Variants in ACSL5 observed in about 807,000 individuals in gnomAD.
ACSL5 encodes long-chain-fatty-acid--CoA ligase 5.
In ACSL5, 50 loss-of-function variants were observed where a neutral mutation model predicts 84.9. The observed-to-expected ratio is 0.59, with a 90% CI of 0.47 to 0.75. The LOEUF is 0.75. ACSL5 is among the 30% of genes least tolerant of loss of function. The pLI is 0.00. For synonymous variants in ACSL5, 280 were observed against 300.7 expected (o/e 0.93, Z 0.71); for missense variants, 775 against 830.4 (o/e 0.93, Z 0.82).
At chr10:112,413,656 C>T (rs926836053) in intron 12 of ACSL5, among the ~76,000 whole-genome samples, 4 of 152,158 alleles carry the variant, frequency 2.6e-5, no homozygotes, top group African/African-American at 9.6e-5. Context: ...ACCCGGGAGG[C>T]GGAGGTTGCA....
intron 1 of ACSL5, chr10:112,375,346 G>A (rs1261364658): frequency 6.6e-6 from 1 of 151,286 alleles, no homozygotes; most frequent in East Asian, 2.0e-4. Context: ...GCTCCCCAGA[G>A]GCCAAGGGCT....
chr10:112,397,937 T>C (rs1186619014), intron 2 of ACSL5, among the ~76,000 whole-genome samples: 5 of 151,876 alleles, frequency 3.3e-5, no homozygotes, highest in Non-Finnish European at 4.4e-5. Context: ...GATATAAAAC[T>C]ATACATATCA....
intron 1 of ACSL5, among the ~76,000 whole-genome samples, chr10:112,377,313 G>A (rs1478345828): frequency 6.6e-6 from 1 of 152,226 alleles, no homozygotes; most frequent in Non-Finnish European, 1.5e-5. Context: ...TCTGAGGTGG[G>A]TGGATCACCT....
At chr10:112,407,659 A>T (rs528231542) in intron 5 of ACSL5, among the ~76,000 whole-genome samples, 3 of 152,288 alleles carry the variant, frequency 2.0e-5, no homozygotes, top group Non-Finnish European at 4.4e-5. Flanking sequence ...TCAAGATGAG[A>T]TCTGGATGGG....
chr10:112,418,508 G>A (rs1010408310), intron 14 of ACSL5, among the ~76,000 whole-genome samples: 3 of 152,152 alleles, frequency 2.0e-5, no homozygotes, highest in Admixed American at 6.5e-5. Context: ...CGTGAACCCG[G>A]CAGGTGGAGC....
intron 2 of ACSL5, among the ~76,000 whole-genome samples, chr10:112,395,414 A>G (rs1843725157): frequency 6.6e-6 from 1 of 152,174 alleles, no homozygotes; most frequent in Admixed American, 6.5e-5. Flanking sequence ...TGAGTTAAAA[A>G]CAAAAATGGG....
At chr10:112,387,522 C>G (rs1377301890) in intron 1 of ACSL5, among the ~76,000 whole-genome samples, 1 of 152,112 alleles carries the variant, frequency 6.6e-6, no homozygotes, top group East Asian at 1.9e-4. Flanking sequence ...TTGAGGGTGG[C>G]AGGAATGTAG....
chr10:112,393,191 T>C (rs779199284), intron 1 of ACSL5, among the ~76,000 whole-genome samples: 3 of 152,162 alleles, frequency 2.0e-5, no homozygotes, highest in Admixed American at 1.3e-4. Context: ...CTCAGAATCC[T>C]GCCAGGTGGT....
At chr10:112,408,650 A>G in intron 6 of ACSL5, 129 bp downstream of exon 6, 1 of 682,398 alleles carries the variant, frequency 1.5e-6, no homozygotes, top group Non-Finnish European at 2.6e-6. Flanking sequence ...AAAATGTTCA[A>G]GTCTTTCTAG....
At chr10:112,392,908 G>A (rs150579129) in intron 1 of ACSL5, among the ~76,000 whole-genome samples, 1,696 of 151,974 alleles carry the variant, frequency 0.011, 40 homozygotes, top group African/African-American at 0.038. Flanking sequence ...GAGTAAGACC[G>A]TGTCTCAAAT....
At chr10:112,409,070 A>T (rs1215317522) in intron 6 of ACSL5, 1 of 166,746 alleles carries the variant, frequency 6.0e-6, no homozygotes, top group Non-Finnish European at 1.3e-5. Flanking sequence ...AGTAAACATC[A>T]TTTGAAACTT....
chr10:112,380,588 T>G (rs1166534404), intron 1 of ACSL5, among the ~76,000 whole-genome samples: 1 of 152,040 alleles, frequency 6.6e-6, no homozygotes, highest in Non-Finnish European at 1.5e-5. Flanking sequence ...GCCATTCCCC[T>G]TCTCCACTTC....
At chr10:112,376,909 A>C (rs963384352) in intron 1 of ACSL5, among the ~76,000 whole-genome samples, 1 of 151,928 alleles carries the variant, frequency 6.6e-6, no homozygotes. Flanking sequence ...TTAATTCCTA[A>C]GTACTTCCTT....
intron 19 of ACSL5, 65 bp downstream of exon 19, chr10:112,426,424 A>T: frequency 7.3e-7 from 1 of 1,363,838 alleles, no homozygotes; most frequent in Non-Finnish European, 1.0e-6. Flanking sequence ...AGGATGCCTC[A>T]CCAGTTCCTG....
rs1194225396 is a variant in ACSL5 at position 112,426,345 on chromosome 10, C to T, written c.1825C>T (p.Leu609=). The change falls in exon 19 of 21, where the codon CTG becomes TTG. Residue 609 remains leucine, a synonymous_variant. Coordinates refer to ENST00000354655, the MANE Select transcript of ACSL5 (RefSeq NM_203379.2). ...KLGVKGSFEE[L]CQNQVVREAI... The stretch of plus-strand genomic sequence containing the variant: ...TGGGGTGAAGGGCTCCTTTGAGGAA[C>T]TGTGCCAAAACCAAGTAAGTCTTGC... 1 of 1,614,034 alleles carries T rather than the reference C, an allele frequency of 6.2e-7. No individual in the cohort carries two copies. The highest frequency in any genetic ancestry group is 8.5e-7 in the Non-Finnish European group (1 of 1,179,956).
rs144686071 is a variant in ACSL5, at chr10:112,405,667, TG to T, written c.432+866del. The stretch of plus-strand genomic sequence containing the variant: ...TGATACAGTTAATCCTTGAACAACA[TG>T]GGGGTTAGGACCACTGCCTATTCAG... On this transcript the variant is annotated intron_variant, in intron 5 of 20. Coordinates refer to ENST00000354655, the MANE Select transcript of ACSL5 (RefSeq NM_203379.2). 8.2e-3 allele frequency among the ~76,000 whole-genome samples: 1,242 copies of T among 152,254 alleles called. 15 individuals carry two copies. The highest frequency in any genetic ancestry group is 0.029 in the African/African-American group (1,189 of 41,544).
rs760014290 is a variant in ACSL5 at position 112,421,929 on chromosome 10, C to G, written c.1388-18C>G. On this transcript the variant is annotated intron_variant, in intron 15 of 20. Transcript: ENST00000354655. ...CCATGCAAGAGTTTCTCAGCTAATT[C>G]AGCACGGTATGTTCTAGGTCACGTT... 6 of 1,611,974 alleles carry G rather than the reference C, an allele frequency of 3.7e-6. No individual in the cohort carries two copies. The highest frequency in any genetic ancestry group is 5.1e-6 in the Non-Finnish European group (6 of 1,178,132).
intron 14 of ACSL5, among the ~76,000 whole-genome samples, chr10:112,420,308 A>T (rs1240735710): frequency 2.0e-5 from 3 of 152,080 alleles, no homozygotes; most frequent in Admixed American, 1.3e-4. Flanking sequence ...TCCAGTCAAG[A>T]TTATCTTCTA....
In ACSL5 at chr10:112,417,201, T is replaced by TAAAA. The variant is rs377732977; in HGVS notation, c.1218+192_1218+195dup. Among the ~76,000 whole-genome samples the TAAAA allele has an allele frequency of 4.9e-3, 584 of 120,040 alleles. 18 individuals are homozygous for TAAAA. The highest frequency in any genetic ancestry group is 0.015 in the African/African-American group (483 of 32,430). 78.8% of individuals were successfully genotyped at this position (120,040 alleles called of 152,430 possible). On this transcript the variant is annotated intron_variant, in intron 13 of 20. Transcript: ENST00000354655. ...ACTTTACTACTAAAGGGAGTAGGTT[T>TAAAA]AAAAAAAAAAAAAAAAGCAGGCTGA...
Sources: gnomAD v4.1 joint callset for allele counts (sites outside exome capture counted in the v4.1 genomes callset) on GRCh38, gnomAD v4.1.1 for gene constraint, MANE v1.5 for transcripts, NCBI Gene and HGNC (gene_info 2026-07-23, HGNC 2026-07-21) for gene names.